The following RNF150 variants were observed in gnomAD, a reference collection of about 807,000 sequenced individuals.
RNF150 encodes ring finger protein 150.
Under a neutral mutation model 39.3 loss-of-function variants are expected in RNF150, and 24 were observed. The observed-to-expected ratio is 0.61, with a 90% CI of 0.44 to 0.86. The LOEUF is 0.86. Among genes scored for constraint, RNF150 ranks in the 40% least tolerant of loss-of-function variants. RNF150 has a pLI of 0.00. For synonymous variants in RNF150, 255 were observed against 227.3 expected, an observed-to-expected ratio of 1.12 and a Z score of -1.10; for missense variants, 502 against 587.8, an observed-to-expected ratio of 0.85 and a Z score of 1.51.
At chr4:141,103,953 A>T (rs1041796431) in intron 1 of RNF150, among the ~76,000 whole-genome samples, 3 of 152,230 alleles carry the variant, frequency 2.0e-5, no homozygotes, top group African/African-American at 7.2e-5. Context: ...GTAATATTGC[A>T]GGAGAAAAAG....
chr4:141,029,121 C>T (rs1472246650), intron 1 of RNF150, among the ~76,000 whole-genome samples: 1 of 152,178 alleles, frequency 6.6e-6, no homozygotes, highest in Non-Finnish European at 1.5e-5. Context: ...CTATATATAA[C>T]TTGTGAATAC....
intron 1 of RNF150, among the ~76,000 whole-genome samples, chr4:141,073,664 G>GT (rs1553944074): frequency 1.1e-4 from 4 of 38,054 alleles, no homozygotes; most frequent in African/African-American, 1.9e-4. Flanking sequence ...TATCAAGCTC[G>GT]GGGGGGGAAG....
intron 1 of RNF150, among the ~76,000 whole-genome samples, chr4:140,989,199 T>C (rs948140577): frequency 2.6e-5 from 4 of 152,132 alleles, no homozygotes; most frequent in South Asian, 4.1e-4. Context: ...AACTCCTAAC[T>C]GTCTGGCACA....
intron 1 of RNF150, among the ~76,000 whole-genome samples, chr4:141,086,988 TA>T (rs1560731352): frequency 1.3e-5 from 2 of 152,162 alleles, no homozygotes; most frequent in African/African-American, 4.8e-5. Flanking sequence ...TTATTTTTAT[TA>T]AAAATTTTTT....
intron 1 of RNF150, among the ~76,000 whole-genome samples, chr4:141,070,397 A>C (rs1170776477): frequency 6.9e-6 from 1 of 145,896 alleles, no homozygotes; most frequent in Non-Finnish European, 1.6e-5. Flanking sequence ...TAATTAAACT[A>C]AAGAGCTTCT....
At chr4:141,039,631 T>C (rs1379594277) in intron 1 of RNF150, among the ~76,000 whole-genome samples, 1 of 152,044 alleles carries the variant, frequency 6.6e-6, no homozygotes, top group Non-Finnish European at 1.5e-5. Context: ...GGCAGGGTGG[T>C]TGATTCCCTA....
In RNF150 at chr4:140,861,558, T is replaced by C. The variant is rs893166964; in HGVS notation, c.*6703A>G. On this transcript the variant is annotated 3_prime_UTR_variant, in exon 7 of 7. Transcript: ENST00000515673. ...ATTACTCCAGCAGAGGGCACTCTGC[T>C]CCTTGCAATAACATCCTACTGAACA... is the stretch of plus-strand genomic sequence containing the variant. 6.6e-6 allele frequency: 1 copy of C among 152,210 alleles called. No homozygotes were observed. Among genetic ancestry groups the C allele is most frequent in the African/African-American group, 2.4e-5 (1 of 41,464 alleles). The allele number at this position is 152,210 out of a possible 1,614,324, so 9.4% of individuals were successfully genotyped here. A position where few individuals can be genotyped will look rare whatever the true frequency, so the allele number is the denominator to read the frequency against.
At chr4:140,935,580 T>C (rs1437725521) in intron 4 of RNF150, among the ~76,000 whole-genome samples, 4 of 152,202 alleles carry the variant, frequency 2.6e-5, no homozygotes, top group Non-Finnish European at 5.9e-5. Flanking sequence ...CTCTTTCATG[T>C]TCCCTTCCTT....
At chr4:140,893,586 A>G (rs1164991598) in intron 6 of RNF150, among the ~76,000 whole-genome samples, 1 of 152,146 alleles carries the variant, frequency 6.6e-6, no homozygotes, top group African/African-American at 2.4e-5. Context: ...GTACCTTTTA[A>G]GATCATTTTC....
chr4:141,132,761 T>C lies in RNF150; in HGVS notation c.48A>G (p.Thr16=), dbSNP rs1726934879. 1.9e-6 allele frequency: 3 copies of C among 1,609,890 alleles called. No individual in the cohort carries two copies. Among genetic ancestry groups the C allele is most frequent in the Non-Finnish European group, 2.5e-6 (3 of 1,178,294 alleles). Residue 16 remains threonine (T), a synonymous_variant, in exon 1 of 7, where the codon ACA becomes ACG. Transcript: ENST00000515673. This position sits in a 1 kb window ranked among gnomAD's most constrained non-coding sequence, Gnocchi z 4.9. ...GCACGAAACAAAAGGAAAGCAGCCATGTTGAGAGAGCCAGACTGCAGCACG... is the reference window on the plus strand; with the variant it reads ...GCACGAAACAAAAGGAAAGCAGCCACGTTGAGAGAGCCAGACTGCAGCACG... ...IQACCSLALS[T]WLLSFCFVHL... is the part of the protein sequence containing the mutation.
intron 1 of RNF150, among the ~76,000 whole-genome samples, chr4:140,980,262 C>T (rs1306444620): frequency 6.6e-6 from 1 of 151,896 alleles, no homozygotes; most frequent in Non-Finnish European, 1.5e-5. Context: ...ATGCTGGTCT[C>T]GAATTCCTGA....
chr4:141,201,523 A>G (rs1331729686), intron 1 of RNF150, among the ~76,000 whole-genome samples: 3 of 137,168 alleles, frequency 2.2e-5, no homozygotes, highest in Admixed American at 1.4e-4. Context: ...CAGCCATTCA[A>G]GGGTTTACAA....
chr4:140,984,121 A>C (rs1733947099), intron 1 of RNF150, among the ~76,000 whole-genome samples: 1 of 152,112 alleles, frequency 6.6e-6, no homozygotes, highest in African/African-American at 2.4e-5. Flanking sequence ...CGTGTTCAAA[A>C]ATTTTAAATT....
rs545657159 is a variant in RNF150, at chr4:141,096,741, C to A, written c.484+35584G>T. 3.2e-4 allele frequency among the ~76,000 whole-genome samples: 48 copies of A among 152,270 alleles called. 1 individual carries two copies. In the South Asian group the frequency reaches 9.7e-3, roughly 31 times the overall value. On this transcript the variant is annotated intron_variant, in intron 1 of 6. Transcript: ENST00000515673. ...ATCCCTCTTTTATTTTTACTCTGAA[C>A]AAGGTAACACAGTGATTTACAAAAC...
At chr4:141,117,802 G>C (rs1476091868) in intron 1 of RNF150, among the ~76,000 whole-genome samples, 2 of 152,280 alleles carry the variant, frequency 1.3e-5, no homozygotes, top group Non-Finnish European at 2.9e-5. Context: ...AGAACAAATG[G>C]CAATTCTCGT....
chr4:140,921,011 G>A (rs1731103518), intron 5 of RNF150, among the ~76,000 whole-genome samples: 1 of 151,592 alleles, frequency 6.6e-6, no homozygotes, highest in East Asian at 2.0e-4. Flanking sequence ...CACAGGAAGG[G>A]GAACATCACA....
At chr4:141,086,362 C>A (rs111710325) in intron 1 of RNF150, among the ~76,000 whole-genome samples, 1 of 152,104 alleles carries the variant, frequency 6.6e-6, no homozygotes, top group Non-Finnish European at 1.5e-5. Flanking sequence ...GTAGGTATAG[C>A]ACAATCATGA....
chr4:140,889,752 C>T (rs55726722), intron 6 of RNF150, among the ~76,000 whole-genome samples: 50,645 of 151,884 alleles, frequency 0.33, 9,401 homozygotes, highest in East Asian at 0.53. Flanking sequence ...ATTAATAGTC[C>T]CTGGTCATTC....
chr4:141,107,961 G>A (rs1739266728), intron 1 of RNF150, among the ~76,000 whole-genome samples: 1 of 152,166 alleles, frequency 6.6e-6, no homozygotes, highest in African/African-American at 2.4e-5. Context: ...ACAAAATCCA[G>A]GACATTGATT....
Sources: allele counts gnomAD v4.1 joint callset (sites outside exome capture counted in the v4.1 genomes callset), GRCh38; gene constraint gnomAD v4.1.1; non-coding constraint Gnocchi (gnomAD v3.1); transcripts MANE v1.5; gene names NCBI Gene and HGNC (gene_info 2026-07-23, HGNC 2026-07-21).